CNTNAP5: variants seen among roughly 807,000 people sequenced by gnomAD.
CNTNAP5 encodes the protein contactin-associated protein-like 5.
A neutral mutation model predicts 150.2 loss-of-function variants in CNTNAP5; 72 were observed. The observed-to-expected ratio is 0.48, with a 90% confidence interval of 0.40 to 0.58. CNTNAP5 has a LOEUF of 0.58. CNTNAP5 is among the 20% of genes least tolerant of loss of function. CNTNAP5 has a pLI of 0.00. For missense variants in CNTNAP5, 1,636 were observed against 1,626.2 expected, an observed-to-expected ratio of 1.01 and a Z score of -0.10; for synonymous variants, 672 against 619.8, an observed-to-expected ratio of 1.08 and a Z score of -1.25.
intron 13 of CNTNAP5, among the ~76,000 whole-genome samples, chr2:124,699,358 T>G (rs1679472668): frequency 6.6e-6 from 1 of 152,150 alleles, no homozygotes; most frequent in South Asian, 2.1e-4. Flanking sequence ...CTCAGATTGG[T>G]AATTGAAGCA....
At chr2:124,634,962 T>G (rs1677942595) in intron 12 of CNTNAP5, among the ~76,000 whole-genome samples, 1 of 152,204 alleles carries the variant, frequency 6.6e-6, no homozygotes, top group Non-Finnish European at 1.5e-5. Context: ...TGTTGCAATA[T>G]CTGCTGATTA....
chr2:124,396,876 T>A (rs1332538995), intron 3 of CNTNAP5, among the ~76,000 whole-genome samples: 4 of 152,084 alleles, frequency 2.6e-5, no homozygotes, highest in Non-Finnish European at 5.9e-5. Context: ...AGAATACAGG[T>A]CCCCCAGTAT....
intron 6 of CNTNAP5, among the ~76,000 whole-genome samples, chr2:124,450,212 T>A (rs1330634418): frequency 1.3e-5 from 2 of 151,676 alleles, no homozygotes; most frequent in African/African-American, 4.9e-5. Flanking sequence ...CATGTACTAC[T>A]CTGATATATA....
At chr2:124,563,720 C>G (rs1695946639) in intron 11 of CNTNAP5, among the ~76,000 whole-genome samples, 1 of 152,190 alleles carries the variant, frequency 6.6e-6, no homozygotes, top group African/African-American at 2.4e-5. Flanking sequence ...CCATGCTATA[C>G]CTGTGTCACA....
chr2:124,551,029 C>T (rs1388667855), intron 10 of CNTNAP5, among the ~76,000 whole-genome samples: 2 of 152,144 alleles, frequency 1.3e-5, no homozygotes, highest in Admixed American at 6.6e-5. Flanking sequence ...CAGGGTCATA[C>T]ATTTTTCAGT....
intron 3 of CNTNAP5, among the ~76,000 whole-genome samples, chr2:124,378,673 T>C (rs1370671013): frequency 6.6e-6 from 1 of 152,166 alleles, no homozygotes; most frequent in Non-Finnish European, 1.5e-5. Context: ...TAAACTTATC[T>C]TGACATACTT....
At chr2:124,061,870 A>G (rs990601248) in intron 1 of CNTNAP5, among the ~76,000 whole-genome samples, 2 of 152,038 alleles carry the variant, frequency 1.3e-5, no homozygotes, top group African/African-American at 4.8e-5. Flanking sequence ...GGATGGAGGG[A>G]ATGCAATAAT....
chr2:124,597,809 A>G (rs1338873550), intron 11 of CNTNAP5, among the ~76,000 whole-genome samples: 1 of 151,056 alleles, frequency 6.6e-6, no homozygotes, highest in Non-Finnish European at 1.5e-5. Context: ...GTCTTTTCAC[A>G]TAGTCCCATA....
At position 124,763,998 on chromosome 2, in the gene CNTNAP5, C is replaced by T. The variant is rs780726475; in HGVS notation, c.2384C>T (p.Ser795Leu). Residue 795 changes from serine (S) to leucine (L), a missense_variant, in exon 16 of 24, where the codon TCA becomes TTA. Coordinates refer to ENST00000682447, the MANE Select transcript of CNTNAP5 (RefSeq NM_001367498.1). ...YGDRRFWNAV[S>L]FYTEASYLHF... ...GCAGGACGCTTCTGGAACGCCGTCT[C>T]ATTTTATACAGAAGCCTCTTACCTC... is the stretch of plus-strand genomic sequence containing the variant. The T allele has an allele frequency of 1.6e-5, 26 of 1,612,402 alleles. No homozygotes were observed. Among genetic ancestry groups the T allele is most frequent in the Admixed American group, 6.7e-5 (4 of 59,690 alleles).
intron 4 of CNTNAP5, among the ~76,000 whole-genome samples, chr2:124,432,676 C>T (rs1692420718): frequency 6.6e-6 from 1 of 152,134 alleles, no homozygotes; most frequent in Admixed American, 6.5e-5. Context: ...ATATTGTGTA[C>T]ATTGTGATGT....
At chr2:124,390,452 A>C (rs1691080927) in intron 3 of CNTNAP5, among the ~76,000 whole-genome samples, 1 of 152,206 alleles carries the variant, frequency 6.6e-6, no homozygotes, top group Admixed American at 6.5e-5. Context: ...GTGGGACGTC[A>C]CTGGCTAGCC....
chr2:124,231,824 C>T (rs552181819), intron 2 of CNTNAP5, among the ~76,000 whole-genome samples: 2 of 152,072 alleles, frequency 1.3e-5, no homozygotes, highest in Non-Finnish European at 2.9e-5. Flanking sequence ...GAGACAAATT[C>T]AATGTGATAG....
chr2:124,501,876 C>A (rs1255678695), intron 7 of CNTNAP5, among the ~76,000 whole-genome samples: 1 of 152,126 alleles, frequency 6.6e-6, no homozygotes, highest in Non-Finnish European at 1.5e-5. Flanking sequence ...TATTTTCTCT[C>A]CTACTTGCCT....
chr2:124,030,481 A>C (rs1050296800), intron 1 of CNTNAP5, among the ~76,000 whole-genome samples: 11 of 152,110 alleles, frequency 7.2e-5, no homozygotes, highest in African/African-American at 2.7e-4. Context: ...ATCAAACACC[A>C]AACTCTTTGC....
In CNTNAP5 at chr2:124,667,587, C is replaced by T. The variant is rs1479691180; in HGVS notation, c.2077+19629C>T. Among the ~76,000 whole-genome samples the T allele has an allele frequency of 2.0e-5, 3 of 152,174 alleles. No individual in the cohort carries two copies. The East Asian group carries it at 5.8e-4, about 29-fold the overall frequency. On this transcript the variant is annotated intron_variant, in intron 13 of 23. Transcript: ENST00000682447. ...CAATGCTAATTTCATTTCTCATCCT[C>T]CACCATGCCTGAATACACAGTTTAC...
chr2:124,181,803 C>T (rs1203836483), intron 1 of CNTNAP5, among the ~76,000 whole-genome samples: 1 of 152,132 alleles, frequency 6.6e-6, no homozygotes, highest in Non-Finnish European at 1.5e-5. Context: ...GTAGAAAATG[C>T]TATATATTTA....
intron 1 of CNTNAP5, among the ~76,000 whole-genome samples, chr2:124,099,415 G>A (rs1045844133): frequency 6.6e-6 from 1 of 152,120 alleles, no homozygotes; most frequent in Admixed American, 6.5e-5. Flanking sequence ...GAAATTCTGA[G>A]GGCAAAATCT....
intron 1 of CNTNAP5, among the ~76,000 whole-genome samples, chr2:124,111,242 TGA>T (rs1683291856): frequency 6.6e-6 from 1 of 152,000 alleles, no homozygotes; most frequent in Non-Finnish European, 1.5e-5. Context: ...GAGGAACTCT[TGA>T]GAGTTTAGAG....
At chr2:124,382,332 A>C (rs1475312612) in intron 3 of CNTNAP5, among the ~76,000 whole-genome samples, 2 of 152,146 alleles carry the variant, frequency 1.3e-5, no homozygotes, top group Non-Finnish European at 2.9e-5. Context: ...TGTTCTAAAA[A>C]TATGAGGAAG....
Sources: allele counts gnomAD v4.1 joint callset (sites outside exome capture counted in the v4.1 genomes callset), GRCh38; gene constraint gnomAD v4.1.1; transcripts MANE v1.5; gene names NCBI Gene and HGNC (gene_info 2026-07-23, HGNC 2026-07-21).